CACNA2D3: variants seen among roughly 807,000 people sequenced by gnomAD.
The protein encoded by CACNA2D3 is voltage-dependent calcium channel subunit alpha-2/delta-3.
Under a neutral mutation model 160.6 loss-of-function variants are expected in CACNA2D3, and 60 were observed. The ratio of observed to expected loss-of-function variants is 0.37; its 90% confidence interval spans 0.30 to 0.46. The LOEUF (loss-of-function observed/expected upper bound fraction) is 0.46, where lower values mean the gene tolerates loss of function less well. Ranked by LOEUF, CACNA2D3 falls within the 20% of genes least tolerant of loss-of-function variation. The pLI, the probability that CACNA2D3 is intolerant of heterozygous loss-of-function variation, is 1.00. For synonymous variants in CACNA2D3, 558 were observed against 492.9 expected (o/e 1.13, Z -1.75); for missense variants, 1,205 against 1,365.0 (o/e 0.88, Z 1.85).
In CACNA2D3 at chr3:55,018,193, A is replaced by G. The variant is rs757230078; in HGVS notation, c.2876-13A>G. 1.4e-5 allele frequency: 22 copies of G among 1,567,408 alleles called. No homozygotes were observed. The highest frequency in any genetic ancestry group is 2.2e-5 in the South Asian group (2 of 89,206). On this transcript the variant is annotated splice_polypyrimidine_tract_variant and intron_variant, in intron 34 of 37. Coordinates refer to ENST00000474759, the MANE Select transcript of CACNA2D3 (RefSeq NM_018398.3). ...TGCATTCTTTACCTTTTTTTTTCCC[A>G]CTATCCCTACAGCCCAGAAATTGAA... is the stretch of plus-strand genomic sequence containing the variant.
intron 2 of CACNA2D3, among the ~76,000 whole-genome samples, chr3:54,132,133 A>G (rs1269256219): frequency 1.3e-5 from 2 of 152,230 alleles, no homozygotes; most frequent in Non-Finnish European, 2.9e-5. Context: ...TCATGTACAA[A>G]CAGCTCAATG....
chr3:54,899,819 A>T lies in CACNA2D3; in HGVS notation c.2400A>T (p.Ala800=). 3.1e-6 allele frequency: 5 copies of T among 1,609,322 alleles called. No individual in the cohort carries two copies. The highest frequency in any genetic ancestry group is 4.2e-6 in the Non-Finnish European group (5 of 1,177,932). The part of the protein sequence containing the change: ...GPVNKSNVVT[A]STSIQLLDER... ...TCAATAAAAGCAATGTGGTGACAGC[A>T]AGTACATCCATCCAGCTCCTGGATG... The change falls in exon 27 of 38, where the codon GCA becomes GCT. Residue 800 remains alanine, a synonymous_variant. Transcript: ENST00000474759.
intron 11 of CACNA2D3, among the ~76,000 whole-genome samples, chr3:54,725,010 A>AGCCAGTCT (rs1701250016): frequency 6.6e-6 from 1 of 152,196 alleles, no homozygotes; most frequent in Admixed American, 6.5e-5. Context: ...GAAAATAGAT[A>AGCCAGTCT]GACTCCTAGC....
intron 4 of CACNA2D3, among the ~76,000 whole-genome samples, chr3:54,465,590 A>G (rs368399297): frequency 1.3e-5 from 2 of 152,244 alleles, no homozygotes; most frequent in East Asian, 1.9e-4. Flanking sequence ...TCTGGGAGGT[A>G]AACTGCTCAC....
At chr3:54,153,114 G>C (rs925416978) in intron 2 of CACNA2D3, among the ~76,000 whole-genome samples, 1 of 152,210 alleles carries the variant, frequency 6.6e-6, no homozygotes, top group Non-Finnish European at 1.5e-5. Flanking sequence ...AATGTGCAGG[G>C]CACAGGGTAT....
At chr3:54,196,661 G>C (rs1377557180) in intron 2 of CACNA2D3, among the ~76,000 whole-genome samples, 2 of 152,224 alleles carry the variant, frequency 1.3e-5, no homozygotes, top group Admixed American at 1.3e-4. Flanking sequence ...TTTCAGAAAA[G>C]AGTCCTCATT....
Position 54,927,310 on chromosome 3 carries a change from G to C in CACNA2D3, c.2449+27442G>C, listed in dbSNP as rs376542090. ...CTTCTCAGTTTAATTTAGTTTAAGG[G>C]ATGCAGAACATCACAGTCCCCTTCC... On this transcript the variant is annotated intron_variant, in intron 27 of 37. Coordinates refer to ENST00000474759, the MANE Select transcript of CACNA2D3 (RefSeq NM_018398.3). 2.6e-5 allele frequency among the ~76,000 whole-genome samples: 4 copies of C among 152,258 alleles called. No homozygotes were observed. The East Asian group carries it at 5.8e-4, about 22-fold the overall frequency.
chr3:55,037,531 G>A (rs544349727), intron 35 of CACNA2D3, among the ~76,000 whole-genome samples: 7 of 152,256 alleles, frequency 4.6e-5, no homozygotes, highest in African/African-American at 9.6e-5. Flanking sequence ...GCAAGAGGGC[G>A]GGCCGAAGAT....
At chr3:54,834,425 G>T (rs1422998098) in intron 14 of CACNA2D3, among the ~76,000 whole-genome samples, 1 of 152,170 alleles carries the variant, frequency 6.6e-6, no homozygotes, top group Non-Finnish European at 1.5e-5. Context: ...GGCTGGTTCT[G>T]CCTTTGAAAA....
chr3:54,318,268 T>C (rs1336935379), intron 2 of CACNA2D3, among the ~76,000 whole-genome samples: 2 of 152,048 alleles, frequency 1.3e-5, no homozygotes, highest in African/African-American at 4.8e-5. Flanking sequence ...CCTTCTTGTG[T>C]TGGAGAATAG....
chr3:54,225,868 G>T (rs1479019866), intron 2 of CACNA2D3, among the ~76,000 whole-genome samples: 2 of 151,840 alleles, frequency 1.3e-5, no homozygotes, highest in Non-Finnish European at 2.9e-5. Flanking sequence ...TAGAGGCCAG[G>T]GTCTCTGCAT....
At chr3:54,275,776 C>A (rs1203498782) in intron 2 of CACNA2D3, among the ~76,000 whole-genome samples, 2 of 152,106 alleles carry the variant, frequency 1.3e-5, no homozygotes, top group Non-Finnish European at 2.9e-5. Flanking sequence ...TGCCACCACG[C>A]CTGGCTAATT....
intron 33 of CACNA2D3, 99 bp downstream of exon 33, chr3:55,007,941 A>G (rs1158288554): frequency 2.3e-5 from 17 of 735,788 alleles, no homozygotes; most frequent in Non-Finnish European, 3.4e-5. Flanking sequence ...TTCAATAACC[A>G]TTAGATTCCT....
intron 17 of CACNA2D3, among the ~76,000 whole-genome samples, chr3:54,853,499 T>A (rs1277807755): frequency 6.6e-6 from 1 of 152,182 alleles, no homozygotes; most frequent in Non-Finnish European, 1.5e-5. Context: ...AGCTCCCTTT[T>A]CTTTTCATCC....
intron 4 of CACNA2D3, among the ~76,000 whole-genome samples, chr3:54,407,471 A>G (rs184746098): frequency 2.6e-5 from 4 of 152,232 alleles, no homozygotes; most frequent in African/African-American, 9.6e-5. Flanking sequence ...CTTAGATTAG[A>G]TGTTTCTTAG....
At chr3:54,676,118 G>C (rs949267842) in intron 11 of CACNA2D3, among the ~76,000 whole-genome samples, 1 of 152,072 alleles carries the variant, frequency 6.6e-6, no homozygotes, top group Admixed American at 6.5e-5. Context: ...CATCAACCAC[G>C]CACAGTTGTT....
chr3:54,559,275 A>AT (rs1012663581), intron 5 of CACNA2D3, among the ~76,000 whole-genome samples: 5 of 151,762 alleles, frequency 3.3e-5, no homozygotes, highest in Middle Eastern at 3.4e-3. Context: ...CTTCACCCTT[A>AT]TTTTTTTTCC....
chr3:54,958,032 A>G (rs911732736), intron 27 of CACNA2D3, among the ~76,000 whole-genome samples: 5 of 152,318 alleles, frequency 3.3e-5, no homozygotes, highest in African/African-American at 7.2e-5. Flanking sequence ...ATTGCATTCA[A>G]CCACCCCGTG....
chr3:54,270,544 T>C (rs950818027), intron 2 of CACNA2D3, among the ~76,000 whole-genome samples: 3 of 152,172 alleles, frequency 2.0e-5, no homozygotes. Flanking sequence ...TGCATAACAA[T>C]TTAGGAGAAA....
Sources: gnomAD v4.1 joint callset for allele counts (sites outside exome capture counted in the v4.1 genomes callset) on GRCh38, gnomAD v4.1.1 for gene constraint, MANE v1.5 for transcripts, NCBI Gene and HGNC (gene_info 2026-07-23, HGNC 2026-07-21) for gene names.